The following DAB2IP variants were observed in gnomAD, a reference collection of about 807,000 sequenced individuals.
DAB2IP encodes the protein disabled homolog 2-interacting protein.
Under a neutral mutation model 107.2 loss-of-function variants are expected in DAB2IP, and 28 were observed. That is an observed-to-expected ratio of 0.26 (90% CI 0.19 to 0.36). The LOEUF is 0.36. DAB2IP is among the 10% of genes least tolerant of loss of function. The pLI is 1.00. For synonymous variants in DAB2IP, 755 were observed against 706.4 expected (o/e 1.07, Z -1.09); for missense variants, 1,400 against 1,644.7 (o/e 0.85, Z 2.57).
Position 121,770,839 on chromosome 9 carries a change from T to A in DAB2IP, c.2078+115T>A, listed in dbSNP as rs982292742. 29 of 1,381,080 alleles carry A rather than the reference T, an allele frequency of 2.1e-5. 1 individual carries two copies. The highest frequency in any genetic ancestry group is 1.5e-4 in the East Asian group (6 of 40,664). 85.6% of individuals were successfully genotyped at this position (1,381,080 alleles called of 1,614,324 possible). A position where few individuals can be genotyped will look rare whatever the true frequency, so the allele number is the denominator to read the frequency against. On this transcript the variant is annotated intron_variant, in intron 11 of 15. Transcript: ENST00000408936. ...CTACATAGTGTTTATAAAACAAGCC[T>A]GGCAAGACTTGAGTTGTACAGGTCC...
chr9:121,604,376 T>G (rs1416132895), intron 1 of DAB2IP, among the ~76,000 whole-genome samples: 1 of 152,190 alleles, frequency 6.6e-6, no homozygotes, highest in Non-Finnish European at 1.5e-5. Context: ...CAACCCAGCT[T>G]CCTACAGTAG....
intron 3 of DAB2IP, among the ~76,000 whole-genome samples, chr9:121,739,684 G>A (rs545331165): frequency 2.0e-4 from 31 of 152,296 alleles, no homozygotes; most frequent in South Asian, 8.3e-4. Context: ...CATTTCAGAC[G>A]TGAAGCTCCG....
At chr9:121,642,891 G>T (rs1326825320) in intron 1 of DAB2IP, among the ~76,000 whole-genome samples, 1 of 152,164 alleles carries the variant, frequency 6.6e-6, no homozygotes, top group Non-Finnish European at 1.5e-5. Flanking sequence ...GAGATAAGGG[G>T]TCCAGGGAAG....
intron 1 of DAB2IP, among the ~76,000 whole-genome samples, chr9:121,606,899 C>T (rs538177805): frequency 3.9e-5 from 6 of 152,144 alleles, no homozygotes; most frequent in South Asian, 2.1e-4. Flanking sequence ...CTCAGCCTCC[C>T]GAGTAGTTGG....
At chr9:121,697,961 T>A (rs555397308) in intron 2 of DAB2IP, among the ~76,000 whole-genome samples, 2 of 152,290 alleles carry the variant, frequency 1.3e-5, no homozygotes, top group East Asian at 3.9e-4. Context: ...AGCAAATGTT[T>A]TTCTGTCATT....
intron 2 of DAB2IP, among the ~76,000 whole-genome samples, chr9:121,685,280 G>T (rs1828813937): frequency 6.6e-6 from 1 of 152,240 alleles, no homozygotes; most frequent in South Asian, 2.1e-4. Flanking sequence ...TTCTGCAGAG[G>T]GAGTGTTGGA....
intron 3 of DAB2IP, chr9:121,742,933 C>T: frequency 2.0e-6 from 2 of 985,482 alleles, no homozygotes; most frequent in African/African-American, 1.7e-5. Flanking sequence ...TGAGACTCCT[C>T]ATCTTGCCCC....
At chr9:121,641,974 T>TC (rs1564128504) in intron 1 of DAB2IP, among the ~76,000 whole-genome samples, 8 of 82,090 alleles carry the variant, frequency 9.7e-5, no homozygotes, top group African/African-American at 5.9e-4. Context: ...CTCTCTCTCT[T>TC]TCTTTCTTTC....
chr9:121,739,176 A>G (rs1832140831), intron 3 of DAB2IP, among the ~76,000 whole-genome samples: 1 of 152,230 alleles, frequency 6.6e-6, no homozygotes, highest in South Asian at 2.1e-4. Context: ...CAGTCAGGGA[A>G]GGATTGAGTT....
At chr9:121,761,737 C>A (rs1833908191) in intron 6 of DAB2IP, among the ~76,000 whole-genome samples, 1 of 152,214 alleles carries the variant, frequency 6.6e-6, no homozygotes, top group Admixed American at 6.5e-5. Flanking sequence ...GGCTAGGCTG[C>A]ACGTTGGGCC....
At chr9:121,723,594 C>T (rs1031647422) in intron 3 of DAB2IP, among the ~76,000 whole-genome samples, 1 of 152,218 alleles carries the variant, frequency 6.6e-6, no homozygotes, top group Non-Finnish European at 1.5e-5. Flanking sequence ...CCTGGTTTCA[C>T]CTGATGGGTC....
chr9:121,703,210 G>A (rs1244368232), intron 3 of DAB2IP, among the ~76,000 whole-genome samples: 1 of 152,224 alleles, frequency 6.6e-6, no homozygotes, highest in African/African-American at 2.4e-5. Flanking sequence ...TCTGCCCCTT[G>A]TGGTGAGACA....
At chr9:121,695,424 C>T (rs953021548) in intron 2 of DAB2IP, among the ~76,000 whole-genome samples, 1 of 152,226 alleles carries the variant, frequency 6.6e-6, no homozygotes, top group Non-Finnish European at 1.5e-5. Context: ...TACCTCATTT[C>T]ATCCTTCCCA....
At chr9:121,710,530 C>T (rs550236383) in intron 3 of DAB2IP, among the ~76,000 whole-genome samples, 1 of 152,166 alleles carries the variant, frequency 6.6e-6, no homozygotes, top group Admixed American at 6.5e-5. Context: ...CCTCTTTTCA[C>T]CTGGGCAGAG....
chr9:121,647,815 A>G (rs1832589604), upstream of DAB2IP, among the ~76,000 whole-genome samples: 1 of 149,430 alleles, frequency 6.7e-6, no homozygotes, highest in African/African-American at 2.4e-5. Flanking sequence ...ATATATACAC[A>G]TATATATACA....
intron 1 of DAB2IP, among the ~76,000 whole-genome samples, chr9:121,581,957 G>A (rs1254408067): frequency 2.6e-5 from 4 of 152,232 alleles, no homozygotes; most frequent in Non-Finnish European, 4.4e-5. Context: ...CCAGCAGCGG[G>A]TGCAGGGCTG....
At chr9:121,746,073 C>A (rs1475692201) in intron 3 of DAB2IP, among the ~76,000 whole-genome samples, 9 of 152,070 alleles carry the variant, frequency 5.9e-5, no homozygotes, top group Non-Finnish European at 1.2e-4. Context: ...TTTTTGAGAG[C>A]TCAGCTGTGG....
chr9:121,748,297 C>A (rs189914069), intron 3 of DAB2IP, among the ~76,000 whole-genome samples: 6 of 152,280 alleles, frequency 3.9e-5, no homozygotes, highest in Non-Finnish European at 7.4e-5. Flanking sequence ...AGGAACGGGC[C>A]GTTGCTGGGG....
chr9:121,667,666 C>CTT (rs57124591), intron 1 of DAB2IP, among the ~76,000 whole-genome samples: 4,259 of 147,148 alleles, frequency 0.029, 76 homozygotes, highest in South Asian at 0.065. Flanking sequence ...AATTTTTCAT[C>CTT]TTTTTTTTTT....
Sources: allele counts gnomAD v4.1 joint callset (sites outside exome capture counted in the v4.1 genomes callset), GRCh38; gene constraint gnomAD v4.1.1; transcripts MANE v1.5; gene names NCBI Gene and HGNC (gene_info 2026-07-23, HGNC 2026-07-21).